Variants in FSIP1 observed in about 807,000 individuals in gnomAD.
FSIP1 encodes the protein fibrous sheath interacting protein 1.
Under a neutral mutation model 60.9 loss-of-function variants are expected in FSIP1, and 65 were observed. The observed-to-expected ratio is 1.07, with a 90% CI of 0.87 to 1.31. The LOEUF is 1.31. Among genes scored for constraint, FSIP1 ranks in the 40% most tolerant of loss-of-function variants. The probability of loss-of-function intolerance (pLI) is 0.00; values close to 1 mark genes in which losing one functional copy is unlikely to be tolerated. For missense variants in FSIP1, 675 were observed against 665.5 expected, an observed-to-expected ratio of 1.01 and a Z score of -0.16; for synonymous variants, 209 against 221.2, an observed-to-expected ratio of 0.94 and a Z score of 0.49.
downstream of FSIP1, among the ~76,000 whole-genome samples, chr15:39,599,851 G>A (rs1890578024): frequency 6.6e-6 from 1 of 152,172 alleles, no homozygotes; most frequent in Non-Finnish European, 1.5e-5. Context: ...ATGAACAATT[G>A]CTATTTTAAA....
In FSIP1 at chr15:39,633,059, T is replaced by C. The variant is rs113265483; in HGVS notation, c.1189-14814A>G. 3.5e-3 allele frequency among the ~76,000 whole-genome samples: 531 copies of C among 150,286 alleles called. 1 individual carries two copies. Among genetic ancestry groups the C allele is most frequent in the African/African-American group, 0.013 (513 of 40,788 alleles). ...TCACTCCTATAATTATCATTTTTAATGTCCAAAATCTTCCCCACATAGGCT... is the reference window on the plus strand; with the variant it reads ...TCACTCCTATAATTATCATTTTTAACGTCCAAAATCTTCCCCACATAGGCT... On this transcript the variant is annotated intron_variant, in intron 10 of 11. Transcript: ENST00000350221.
intron 9 of FSIP1, among the ~76,000 whole-genome samples, chr15:39,720,946 G>A (rs1441483455): frequency 1.3e-5 from 2 of 152,234 alleles, no homozygotes; most frequent in African/African-American, 2.4e-5. Flanking sequence ...AGAAAGAGCA[G>A]TAATATGCCA....
chr15:39,687,136 C>CTTTTTTTTTTTTTTTTTTTTTTT lies in FSIP1; in HGVS notation c.1188+26307_1188+26308insAAAAAAAAAAAAAAAAAAAAAAA, dbSNP rs1491090328. Among the ~76,000 whole-genome samples the CTTTTTTTTTTTTTTTTTTTTTTT allele has an allele frequency of 4.1e-3, 197 of 47,708 alleles. 47 individuals carry two copies. Among genetic ancestry groups the CTTTTTTTTTTTTTTTTTTTTTTT allele is most frequent in the Admixed American group, 5.0e-3 (17 of 3,434 alleles). The allele number at this position is 47,708 out of a possible 152,430, so 31.3% of individuals were successfully genotyped here. On this transcript the variant is annotated intron_variant, in intron 10 of 11. Coordinates refer to ENST00000350221, the MANE Select transcript of FSIP1 (RefSeq NM_152597.5). ...CACCTTTCTTTCTTTCTTTTCTTTT[C>CTTTTTTTTTTTTTTTTTTTTTTT]CTTTTTTTTTTTTTTTTTTTTTTTT...
At chr15:39,634,480 T>A (rs1057415968) in intron 10 of FSIP1, among the ~76,000 whole-genome samples, 3 of 152,176 alleles carry the variant, frequency 2.0e-5, no homozygotes, top group African/African-American at 7.2e-5. Flanking sequence ...CTCTCAGCAC[T>A]GTATAACACA....
chr15:39,613,359 A>G (rs920968702), intron 11 of FSIP1, among the ~76,000 whole-genome samples: 3 of 152,212 alleles, frequency 2.0e-5, no homozygotes, highest in Admixed American at 6.5e-5. Flanking sequence ...GATAACCTAG[A>G]TGTGAACAGA....
At chr15:39,717,367 G>C (rs757089997) in intron 9 of FSIP1, among the ~76,000 whole-genome samples, 8 of 152,078 alleles carry the variant, frequency 5.3e-5, no homozygotes, top group Non-Finnish European at 1.2e-4. Flanking sequence ...CAAAGTGAGG[G>C]GAGAGTACAG....
intron 2 of FSIP1, among the ~76,000 whole-genome samples, chr15:39,776,078 T>C (rs933521509): frequency 2.1e-5 from 3 of 142,496 alleles, no homozygotes; most frequent in African/African-American, 7.9e-5. Context: ...CAAAGTACAG[T>C]GCAGAGAAAT....
chr15:39,765,781 T>C (rs1897665092), intron 3 of FSIP1, 35 bp from the exon 4 acceptor site: 2 of 1,214,506 alleles, frequency 1.6e-6, no homozygotes, highest in African/African-American at 3.1e-5. Flanking sequence ...AGGTTTGAAG[T>C]ATAGTAAAAC....
chr15:39,609,281 G>T (rs1190337639), intron 11 of FSIP1, among the ~76,000 whole-genome samples: 1 of 152,192 alleles, frequency 6.6e-6, no homozygotes, highest in African/African-American at 2.4e-5. Flanking sequence ...CAACTGATCT[G>T]CCAGGCTTCA....
chr15:39,700,816 G>A (rs1033393851), intron 10 of FSIP1, among the ~76,000 whole-genome samples: 1 of 152,086 alleles, frequency 6.6e-6, no homozygotes, highest in African/African-American at 2.4e-5. Context: ...CCAAAAATTG[G>A]GACACAGAAT....
intron 8 of FSIP1, among the ~76,000 whole-genome samples, chr15:39,735,150 T>A (rs1236817445): frequency 6.6e-6 from 1 of 152,226 alleles, no homozygotes; most frequent in Admixed American, 6.5e-5. Context: ...TCTAAGCTTT[T>A]GTTAATAAAG....
intron 9 of FSIP1, among the ~76,000 whole-genome samples, chr15:39,718,322 A>ATG (rs1237253160): frequency 6.6e-6 from 1 of 151,960 alleles, no homozygotes; most frequent in East Asian, 1.9e-4. Context: ...GTACATATAT[A>ATG]TGTGTGTATA....
intron 10 of FSIP1, among the ~76,000 whole-genome samples, chr15:39,635,545 T>A (rs1053667604): frequency 2.6e-5 from 4 of 152,184 alleles, no homozygotes; most frequent in South Asian, 2.1e-4. Flanking sequence ...GATGTTGGGC[T>A]TATGAACTGA....
intron 9 of FSIP1, among the ~76,000 whole-genome samples, chr15:39,719,679 T>C (rs557563985): frequency 1.3e-3 from 196 of 152,362 alleles, no homozygotes; most frequent in African/African-American, 4.4e-3. Flanking sequence ...TGTAGGTTCC[T>C]GCTATTTCTT....
intron 10 of FSIP1, among the ~76,000 whole-genome samples, chr15:39,633,803 A>G (rs1314550553): frequency 6.6e-6 from 1 of 152,228 alleles, no homozygotes; most frequent in East Asian, 1.9e-4. Flanking sequence ...GACGCTGATT[A>G]TATCATCTTC....
chr15:39,705,612 C>T (rs541833083), intron 10 of FSIP1, among the ~76,000 whole-genome samples: 10 of 152,026 alleles, frequency 6.6e-5, no homozygotes, highest in East Asian at 1.9e-4. Flanking sequence ...AGTATATATG[C>T]GCCAATATAC....
intron 2 of FSIP1, among the ~76,000 whole-genome samples, chr15:39,774,898 T>C (rs1172738464): frequency 6.6e-6 from 1 of 152,256 alleles, no homozygotes; most frequent in Non-Finnish European, 1.5e-5. Context: ...ACAGCTCTGG[T>C]GGCGTGACCT....
At chr15:39,647,865 C>T (rs570322929) in intron 10 of FSIP1, among the ~76,000 whole-genome samples, 1 of 152,174 alleles carries the variant, frequency 6.6e-6, no homozygotes, top group Admixed American at 6.5e-5. Flanking sequence ...AAAAATACTG[C>T]ATGACATAGA....
chr15:39,684,158 T>C (rs1894273517), intron 10 of FSIP1, among the ~76,000 whole-genome samples: 1 of 152,126 alleles, frequency 6.6e-6, no homozygotes, highest in African/African-American at 2.4e-5. Flanking sequence ...AAAATAAGAT[T>C]GGAAAAATCA....
Sources: gnomAD v4.1 joint callset for allele counts (sites outside exome capture counted in the v4.1 genomes callset) on GRCh38, gnomAD v4.1.1 for gene constraint, MANE v1.5 for transcripts, NCBI Gene and HGNC (gene_info 2026-07-23, HGNC 2026-07-21) for gene names.